SNX29: variants seen among roughly 807,000 people sequenced by gnomAD.
The protein encoded by SNX29 is sorting nexin-29.
Under a neutral mutation model 102.1 loss-of-function variants are expected in SNX29, and 78 were observed. The ratio of observed to expected loss-of-function variants is 0.76; its 90% CI spans 0.64 to 0.92. The LOEUF (loss-of-function observed/expected upper bound fraction) is 0.92, where lower values mean the gene tolerates loss of function less well. Among genes scored for constraint, SNX29 ranks in the 40% least tolerant of loss-of-function variants. SNX29 has a pLI of 0.00. For missense variants in SNX29, 1,280 were observed against 1,061.7 expected, an observed-to-expected ratio of 1.21 and a Z score of -2.86; for synonymous variants, 580 against 414.5, an observed-to-expected ratio of 1.40 and a Z score of -4.85.
At chr16:12,371,745 C>T (rs1269350629) in intron 16 of SNX29, among the ~76,000 whole-genome samples, 1 of 152,240 alleles carries the variant, frequency 6.6e-6, no homozygotes, top group Non-Finnish European at 1.5e-5. Context: ...GCAGCCAACT[C>T]TTGCCCCCAG....
intron 13 of SNX29, among the ~76,000 whole-genome samples, chr16:12,183,937 C>G (rs2076451737): frequency 6.6e-6 from 1 of 152,198 alleles, no homozygotes; most frequent in Admixed American, 6.5e-5. Flanking sequence ...AGAAGTTACC[C>G]TGTATGGTCT....
chr16:12,433,338 C>T (rs563268402), intron 18 of SNX29, among the ~76,000 whole-genome samples: 18 of 152,196 alleles, frequency 1.2e-4, no homozygotes, highest in Admixed American at 7.8e-4. Context: ...GATCATAAAA[C>T]TGTAACGATT....
chr16:12,184,904 T>A (rs564369612), intron 13 of SNX29, among the ~76,000 whole-genome samples: 20 of 152,326 alleles, frequency 1.3e-4, no homozygotes, highest in South Asian at 1.2e-3. Context: ...AAAATCATTG[T>A]GTTTCCTCAG....
chr16:12,138,122 A>C (rs2054729339), intron 13 of SNX29, among the ~76,000 whole-genome samples: 1 of 151,416 alleles, frequency 6.6e-6, no homozygotes, highest in African/African-American at 2.4e-5. Flanking sequence ...GCACTTCTGG[A>C]GTCTTGGAAA....
At chr16:12,238,649 C>A (rs1302697676) in intron 14 of SNX29, among the ~76,000 whole-genome samples, 2 of 152,194 alleles carry the variant, frequency 1.3e-5, no homozygotes, top group East Asian at 1.9e-4. Context: ...TGAGGAACGT[C>A]AGTGGGGACC....
intron 11 of SNX29, among the ~76,000 whole-genome samples, chr16:12,113,213 C>T (rs772853344): frequency 6.6e-6 from 1 of 152,194 alleles, no homozygotes; most frequent in Non-Finnish European, 1.5e-5. Flanking sequence ...TGCCTAATCT[C>T]TTTTCCCCAT....
At chr16:12,272,139 C>A (rs780074595) in intron 14 of SNX29, among the ~76,000 whole-genome samples, 10 of 152,172 alleles carry the variant, frequency 6.6e-5, no homozygotes, top group Non-Finnish European at 1.3e-4. Flanking sequence ...TTCCCCAAGC[C>A]TTTAAGGTCA....
rs1276827797 is a variant in SNX29, at chr16:12,568,404, C to T, written c.2319-102C>T. 6.1e-6 allele frequency: 9 copies of T among 1,485,674 alleles called. No individual in the cohort carries two copies. In the Middle Eastern group the frequency reaches 5.3e-4, roughly 87 times the overall value. 92.0% of individuals were successfully genotyped at this position (1,485,674 alleles called of 1,614,324 possible). ...GATCCAATGAGCCAGTCACAGTTGCCAATCAGATCCCTCCTGCCCTCACAC... is the reference window on the plus strand; with the variant it reads ...GATCCAATGAGCCAGTCACAGTTGCTAATCAGATCCCTCCTGCCCTCACAC... On this transcript the variant is annotated intron_variant, in intron 20 of 20. Transcript: ENST00000566228.
intron 1 of SNX29, among the ~76,000 whole-genome samples, chr16:11,980,881 ATTT>A (rs1040805590): frequency 2.0e-5 from 3 of 151,458 alleles, no homozygotes; most frequent in Non-Finnish European, 2.9e-5. Flanking sequence ...ATCCTCTGTA[ATTT>A]TTAGATACTA....
chr16:12,276,024 C>T (rs973176785), intron 14 of SNX29, among the ~76,000 whole-genome samples: 2 of 151,688 alleles, frequency 1.3e-5, no homozygotes, highest in African/African-American at 4.8e-5. Flanking sequence ...CTCCGAGTAG[C>T]TGGGATTGCA....
intron 20 of SNX29, among the ~76,000 whole-genome samples, chr16:12,550,531 CAAA>C (rs34325828): frequency 0.022 from 2,354 of 108,190 alleles, 64 homozygotes; most frequent in African/African-American, 0.062. Flanking sequence ...TCTCAATCTA[CAAA>C]AAAAAAAAAA....
At chr16:12,433,479 C>T (rs895275469) in intron 18 of SNX29, among the ~76,000 whole-genome samples, 2 of 151,764 alleles carry the variant, frequency 1.3e-5, no homozygotes, top group Non-Finnish European at 2.9e-5. Context: ...AAAAATAGAA[C>T]AATTAGCCTG....
chr16:12,242,860 C>A (rs573844842), intron 14 of SNX29, among the ~76,000 whole-genome samples: 74 of 152,188 alleles, frequency 4.9e-4, no homozygotes, highest in African/African-American at 1.4e-3. Flanking sequence ...CAGGGTTTTG[C>A]CACATAGCCC....
At chr16:11,985,398 T>A (rs542851869) in intron 1 of SNX29, among the ~76,000 whole-genome samples, 1 of 152,302 alleles carries the variant, frequency 6.6e-6, no homozygotes, top group Admixed American at 6.5e-5. Context: ...ATGAAACTGA[T>A]TTCAACAGCA....
chr16:12,233,230 C>T (rs1357213155), intron 14 of SNX29, among the ~76,000 whole-genome samples: 1 of 152,152 alleles, frequency 6.6e-6, no homozygotes, highest in Admixed American at 6.5e-5. Flanking sequence ...AAATGTGGTA[C>T]ATATACACTA....
intron 15 of SNX29, among the ~76,000 whole-genome samples, chr16:12,327,813 G>A (rs926109488): frequency 1.3e-5 from 2 of 152,128 alleles, no homozygotes; most frequent in African/African-American, 2.4e-5. Flanking sequence ...TGGGTCCCCT[G>A]TTGAGGTCAC....
intron 11 of SNX29, among the ~76,000 whole-genome samples, chr16:12,107,697 G>C (rs1032977572): frequency 6.6e-6 from 1 of 152,134 alleles, no homozygotes; most frequent in Non-Finnish European, 1.5e-5. Context: ...GAAGAGAATC[G>C]AGGTGACGAG....
intron 16 of SNX29, among the ~76,000 whole-genome samples, chr16:12,374,106 C>T (rs1311727836): frequency 4.6e-5 from 7 of 152,214 alleles, no homozygotes; most frequent in Non-Finnish European, 1.0e-4. Flanking sequence ...CTCTGGAATA[C>T]CACTTCTCCC....
At chr16:12,559,978 CG>C (rs754055574) in intron 20 of SNX29, among the ~76,000 whole-genome samples, 3 of 151,944 alleles carry the variant, frequency 2.0e-5, no homozygotes, top group East Asian at 1.9e-4. Flanking sequence ...GACTCCACCA[CG>C]AAAAAAAGAT....
Sources: allele counts gnomAD v4.1 joint callset (sites outside exome capture counted in the v4.1 genomes callset), GRCh38; gene constraint gnomAD v4.1.1; transcripts MANE v1.5; gene names NCBI Gene and HGNC (gene_info 2026-07-23, HGNC 2026-07-21).